Variants in RBFOX1 observed in about 807,000 individuals in gnomAD.
The protein encoded by RBFOX1 is RNA binding fox-1 homolog 1.
Under a neutral mutation model 57.7 loss-of-function variants are expected in RBFOX1, and 8 were observed. That is an observed-to-expected ratio of 0.14 (90% CI 0.08 to 0.25). The LOEUF (loss-of-function observed/expected upper bound fraction) is 0.25, where lower values mean the gene tolerates loss of function less well. Ranked by LOEUF, RBFOX1 falls within the 10% of genes least tolerant of loss-of-function variation. RBFOX1 has a pLI of 1.00. For synonymous variants in RBFOX1, 326 were observed against 222.4 expected, an observed-to-expected ratio of 1.47 and a Z score of -4.15; for missense variants, 611 against 548.5, an observed-to-expected ratio of 1.11 and a Z score of -1.14.
At chr16:7,415,832 C>G (rs1252463831) in intron 4 of RBFOX1, among the ~76,000 whole-genome samples, 3 of 152,098 alleles carry the variant, frequency 2.0e-5, no homozygotes, top group East Asian at 3.9e-4. Context: ...TTATTTGACT[C>G]TAAACTTAGC....
intron 1 of RBFOX1, among the ~76,000 whole-genome samples, chr16:6,082,809 C>T (rs6500751): frequency 0.68 from 103,008 of 151,828 alleles, 35,596 homozygotes; most frequent in African/African-American, 0.81. Context: ...ACTAGCAGGG[C>T]CTACCTTACA....
intron 3 of RBFOX1, among the ~76,000 whole-genome samples, chr16:7,051,618 C>A (rs368162904): frequency 3.3e-5 from 5 of 152,334 alleles, no homozygotes; most frequent in East Asian, 1.9e-4. Flanking sequence ...ACAACTGACA[C>A]TACTGGCCCT....
intron 2 of RBFOX1, among the ~76,000 whole-genome samples, chr16:5,539,260 C>G (rs1022962859): frequency 6.6e-6 from 1 of 152,090 alleles, no homozygotes; most frequent in Non-Finnish European, 1.5e-5. Context: ...AGGAGAATCA[C>G]CTTGTGTCCC....
At chr16:7,594,104 T>C (rs945006639) in intron 7 of RBFOX1, among the ~76,000 whole-genome samples, 1 of 152,100 alleles carries the variant, frequency 6.6e-6, no homozygotes, top group Non-Finnish European at 1.5e-5. Flanking sequence ...TAGGTATTTC[T>C]CCTAACGCTA....
chr16:6,362,218 T>G (rs2088690139), intron 2 of RBFOX1, among the ~76,000 whole-genome samples: 1 of 152,098 alleles, frequency 6.6e-6, no homozygotes, highest in South Asian at 2.1e-4. Flanking sequence ...AAATTTGATG[T>G]AATCGATGCA....
chr16:6,174,280 G>A (rs935354074), intron 1 of RBFOX1, among the ~76,000 whole-genome samples: 5 of 152,178 alleles, frequency 3.3e-5, no homozygotes, highest in African/African-American at 1.2e-4. Flanking sequence ...AGAAAGCAAA[G>A]TGTGTGTCTC....
chr16:7,346,430 G>T (rs1333334397), intron 4 of RBFOX1, among the ~76,000 whole-genome samples: 1 of 152,042 alleles, frequency 6.6e-6, no homozygotes, highest in Non-Finnish European at 1.5e-5. Flanking sequence ...GTTCCTTCCT[G>T]GGAATGGACA....
At chr16:7,650,110 T>G (rs989279123) in intron 11 of RBFOX1, among the ~76,000 whole-genome samples, 7 of 151,334 alleles carry the variant, frequency 4.6e-5, no homozygotes, top group Non-Finnish European at 1.0e-4. Context: ...GGAGCAAGTA[T>G]AAGAAGGAAG....
intron 3 of RBFOX1, among the ~76,000 whole-genome samples, chr16:6,759,641 G>T (rs1348322428): frequency 6.6e-6 from 1 of 151,880 alleles, no homozygotes; most frequent in Non-Finnish European, 1.5e-5. Flanking sequence ...ATTTATTTAG[G>T]TCTATTACTT....
At chr16:5,292,132 A>T (rs186881585) in intron 1 of RBFOX1, among the ~76,000 whole-genome samples, 2 of 152,224 alleles carry the variant, frequency 1.3e-5, no homozygotes, top group Non-Finnish European at 2.9e-5. Context: ...TTAAGAAAGC[A>T]TATTAAATTA....
Position 5,551,523 on chromosome 16 carries a change from C to T in RBFOX1, c.259-47379C>T, listed in dbSNP as rs990731228. Among the ~76,000 whole-genome samples the T allele has an allele frequency of 2.0e-5, 3 of 152,178 alleles. No homozygotes were observed. The East Asian group carries it at 5.8e-4, about 29-fold the overall frequency. On this transcript the variant is annotated intron_variant, in intron 2 of 2. Coordinates refer to the RBFOX1 transcript ENST00000585867. ...TAGGAATAGATTTACAAAGTGCCTCCGAATCCACTCTGCTTTGGGACTGTG... is the reference window on the plus strand; with the variant it reads ...TAGGAATAGATTTACAAAGTGCCTCTGAATCCACTCTGCTTTGGGACTGTG...
chr16:5,761,976 T>C (rs1274299461), intron 3 of RBFOX1, among the ~76,000 whole-genome samples: 1 of 152,150 alleles, frequency 6.6e-6, no homozygotes, highest in East Asian at 1.9e-4. Flanking sequence ...AGTTTGAATT[T>C]GGTCTCTGCC....
At chr16:7,196,072 T>C (rs1012393752) in intron 4 of RBFOX1, among the ~76,000 whole-genome samples, 1 of 152,086 alleles carries the variant, frequency 6.6e-6, no homozygotes, top group African/African-American at 2.4e-5. Flanking sequence ...TAATTATTAT[T>C]ATTATTGTTA....
intron 3 of RBFOX1, among the ~76,000 whole-genome samples, chr16:6,943,521 A>G (rs924325102): frequency 3.3e-5 from 5 of 152,122 alleles, no homozygotes; most frequent in Non-Finnish European, 5.9e-5. Flanking sequence ...ATCCTGACTA[A>G]CATGGTGAAA....
chr16:6,366,611 A>G (rs34409119), intron 2 of RBFOX1, among the ~76,000 whole-genome samples: 10,612 of 152,276 alleles, frequency 0.07, 484 homozygotes, highest in Non-Finnish European at 0.11. Flanking sequence ...TGAACAAATA[A>G]TAACTACTTA....
intron 2 of RBFOX1, among the ~76,000 whole-genome samples, chr16:6,352,642 C>G (rs1234509190): frequency 6.6e-6 from 1 of 152,176 alleles, no homozygotes; most frequent in Non-Finnish European, 1.5e-5. Flanking sequence ...CGAAGTCATT[C>G]ATTACTTTTA....
At chr16:6,073,949 A>G (rs1185438213) in intron 1 of RBFOX1, among the ~76,000 whole-genome samples, 1 of 151,814 alleles carries the variant, frequency 6.6e-6, no homozygotes, top group Non-Finnish European at 1.5e-5. Context: ...AGTGTAGTGA[A>G]GGTTCTTTTC....
At chr16:7,228,747 G>C (rs1475298248) in intron 4 of RBFOX1, among the ~76,000 whole-genome samples, 1 of 152,206 alleles carries the variant, frequency 6.6e-6, no homozygotes, top group Non-Finnish European at 1.5e-5. Flanking sequence ...AAATGTGCAA[G>C]AGGTTAAGTG....
intron 3 of RBFOX1, among the ~76,000 whole-genome samples, chr16:6,794,442 G>A (rs111264795): frequency 0.049 from 7,394 of 152,132 alleles, 260 homozygotes; most frequent in Middle Eastern, 0.14. Flanking sequence ...TTCCCTTCAG[G>A]ATGCAGGGGG....
Sources: allele counts gnomAD v4.1 joint callset (sites outside exome capture counted in the v4.1 genomes callset), GRCh38; gene constraint gnomAD v4.1.1; transcripts MANE v1.5; gene names NCBI Gene and HGNC (gene_info 2026-07-23, HGNC 2026-07-21).